Variants in ANKRD30A observed in about 807,000 individuals in gnomAD.
ANKRD30A encodes ankyrin repeat domain 30A.
A neutral mutation model predicts 166.3 loss-of-function variants in ANKRD30A; 170 were observed. The observed-to-expected ratio is 1.02, with a 90% CI of 0.90 to 1.16. The LOEUF is 1.16. Ranked by LOEUF, ANKRD30A falls within the 50% of genes most tolerant of loss-of-function variation. ANKRD30A has a pLI of 0.00. For missense variants in ANKRD30A, 1,630 were observed against 1,518.0 expected (o/e 1.07, Z -1.23); for synonymous variants, 564 against 508.9 (o/e 1.11, Z -1.46).
intron 27 of ANKRD30A, among the ~76,000 whole-genome samples, chr10:37,193,510 A>G (rs1840777860): frequency 6.6e-6 from 1 of 151,966 alleles, no homozygotes; most frequent in Admixed American, 6.6e-5. Context: ...TAAAGTTTCC[A>G]ATTTGCAATT....
chr10:37,250,776 C>A, the ANKRD30A span, among the ~76,000 whole-genome samples: 1 of 152,308 alleles, frequency 6.6e-6, no homozygotes, highest in African/African-American at 2.4e-5. Flanking sequence ...CTGCCAGTTC[C>A]TTCATCTTGG....
chr10:37,252,811 T>G, the ANKRD30A span, among the ~76,000 whole-genome samples: 1 of 152,204 alleles, frequency 6.6e-6, no homozygotes, highest in Non-Finnish European at 1.5e-5. Flanking sequence ...CTAATATATG[T>G]AAGGTGCTTA....
At chr10:37,143,854 T>C (rs577366014) in intron 7 of ANKRD30A, among the ~76,000 whole-genome samples, 120 of 152,094 alleles carry the variant, frequency 7.9e-4, no homozygotes, top group Non-Finnish European at 1.4e-3. Flanking sequence ...AGAAGAAAGA[T>C]GGAGGGTAAT....
chr10:37,192,734 C>A (rs924574330), intron 25 of ANKRD30A, among the ~76,000 whole-genome samples: 17 of 152,012 alleles, frequency 1.1e-4, no homozygotes, highest in Non-Finnish European at 2.2e-4. Context: ...ACTTGGTCAT[C>A]TTATTAAATA....
chr10:37,265,300 G>A, the ANKRD30A span, among the ~76,000 whole-genome samples: 43 of 152,234 alleles, frequency 2.8e-4, no homozygotes, highest in African/African-American at 9.9e-4. Context: ...TGTGGTCCAT[G>A]CCTCCTCAAT....
intron 19 of ANKRD30A, among the ~76,000 whole-genome samples, chr10:37,167,608 T>A (rs1839462359): frequency 6.6e-6 from 1 of 151,862 alleles, no homozygotes; most frequent in South Asian, 2.1e-4. Flanking sequence ...ACATCAATAT[T>A]GAAAGCTTAT....
chr10:37,214,735 A>G (rs1192907384), intron 31 of ANKRD30A, among the ~76,000 whole-genome samples: 1 of 151,146 alleles, frequency 6.6e-6, no homozygotes, highest in Non-Finnish European at 1.5e-5. Context: ...TCTTCAAGTA[A>G]TATTATATCA....
intron 11 of ANKRD30A, 80 bp from the exon 12 acceptor site, chr10:37,151,980 G>C: frequency 7.8e-7 from 1 of 1,284,390 alleles, no homozygotes; most frequent in East Asian, 2.4e-5. Flanking sequence ...ATTCGTGAAT[G>C]AAAGTAGATT....
intron 34 of ANKRD30A, among the ~76,000 whole-genome samples, chr10:37,223,966 T>A (rs1410325477): frequency 1.3e-5 from 2 of 151,318 alleles, no homozygotes; most frequent in Non-Finnish European, 3.0e-5. Flanking sequence ...TTTAAAAATA[T>A]TAACTATAAT....
Position 37,142,265 on chromosome 10 carries a change from A to G in ANKRD30A, c.1368A>G (p.Glu456=). Residue 456 remains glutamate, a synonymous_variant, in exon 7 of 36, where the codon GAA becomes GAG. Coordinates refer to ENST00000361713, the MANE Select transcript of ANKRD30A (RefSeq NM_052997.3). ...RSKMIACPTK[E]SSTKASANDQ... Reference sequence around the variant, plus strand: ...AGATGATTGCATGTCCTACAAAAGAATCATCTACAAAAGCAAGTGCCAATG... The same window carrying G: ...AGATGATTGCATGTCCTACAAAAGAGTCATCTACAAAAGCAAGTGCCAATG... 3.1e-6 allele frequency: 5 copies of G among 1,596,316 alleles called. No homozygotes were observed. Among genetic ancestry groups the G allele is most frequent in the Non-Finnish European group, 4.3e-6 (5 of 1,175,294 alleles).
At chr10:37,204,144 G>A (rs1220062044) in intron 31 of ANKRD30A, among the ~76,000 whole-genome samples, 1 of 152,028 alleles carries the variant, frequency 6.6e-6, no homozygotes. Context: ...CTACTTTAAA[G>A]TTCATATGGA....
chr10:37,132,529 A>T (rs1283529506), intron 4 of ANKRD30A, among the ~76,000 whole-genome samples, 183 bp downstream of exon 4: 3 of 152,132 alleles, frequency 2.0e-5, no homozygotes, highest in Non-Finnish European at 4.4e-5. Flanking sequence ...ATATAGTAGG[A>T]CTTCTCTTAT....
At chr10:37,211,447 T>C (rs1383486630) in intron 31 of ANKRD30A, among the ~76,000 whole-genome samples, 1 of 152,108 alleles carries the variant, frequency 6.6e-6, no homozygotes, top group Non-Finnish European at 1.5e-5. Context: ...TCCATGTCCC[T>C]ACAAAGGACA....
rs1189116504 is a variant in ANKRD30A at position 37,141,942 on chromosome 10, A to G, written c.1045A>G (p.Lys349Glu). ...ATGTTTGGAGAAAGCGACATCTGGA[A>G]AGTTCGAACAGTCAGCAGAAGAAAC... is the stretch of plus-strand genomic sequence containing the variant. ...IQCLEKATSG[K>E]FEQSAEETPR... The change falls in exon 7 of 36, where the codon AAG (lysine) becomes GAG (glutamate). Residue 349 changes from lysine to glutamate, a missense_variant. By Grantham distance (56) the Lys-to-Glu change is moderately conservative. Around this residue, in one of 4 missense-constraint regions of ANKRD30A, gnomAD observed 904 missense variants for 818.5 expected, o/e 1.10. Transcript: ENST00000361713. The G allele has an allele frequency of 1.2e-6, 2 of 1,614,202 alleles. No homozygotes were observed. The highest frequency in any genetic ancestry group is 1.7e-6 in the Non-Finnish European group (2 of 1,180,034).
rs927373568 is a variant in ANKRD30A at position 37,192,038 on chromosome 10, A to G, written c.2513-1026A>G. ...CTAGTTTTTGATACTTTCACATTAC[A>G]TGTTTTTTCTTTTTTAGAGACAGAG... is the stretch of plus-strand genomic sequence containing the variant. On this transcript the variant is annotated intron_variant, in intron 25 of 35. Transcript: ENST00000361713. Among the ~76,000 whole-genome samples, 80 of 149,616 alleles carry G rather than the reference A, an allele frequency of 5.3e-4. 1 individual carries two copies. The highest frequency in any genetic ancestry group is 3.1e-3 in the South Asian group (15 of 4,806).
intron 30 of ANKRD30A, among the ~76,000 whole-genome samples, chr10:37,200,965 T>C (rs1001232886): frequency 6.6e-6 from 1 of 152,094 alleles, no homozygotes; most frequent in Non-Finnish European, 1.5e-5. Flanking sequence ...TTTTGAAATA[T>C]GCACGATTGA....
chr10:37,225,521 A>C (rs946250040), intron 34 of ANKRD30A, among the ~76,000 whole-genome samples: 3 of 151,872 alleles, frequency 2.0e-5, no homozygotes, highest in Non-Finnish European at 4.4e-5. Flanking sequence ...ATAAGCTAAC[A>C]CATGAAGTAC....
At position 37,130,265 on chromosome 10, in the gene ANKRD30A, A is replaced by G; in HGVS notation, c.397A>G (p.Asn133Asp). 6.2e-7 allele frequency: 1 copy of G among 1,604,210 alleles called. No homozygotes were observed. The highest frequency in any genetic ancestry group is 8.5e-7 in the Non-Finnish European group (1 of 1,175,630). The change falls in exon 3 of 36, where the codon AAT (asparagine) becomes GAT (aspartate). Residue 133 changes from asparagine (N) to aspartate (D), a missense_variant. Physicochemically the swap from Asn to Asp is conservative, Grantham distance 23. Coordinates refer to ENST00000361713, the MANE Select transcript of ANKRD30A (RefSeq NM_052997.3). ...TCTGATAGATTCTGGTGCCGATATA[A>G]ATCTCGTAGATGTGTATGGCAACAC... ...NILIDSGADI[N>D]LVDVYGNTAL...
At chr10:37,216,505 G>T in intron 32 of ANKRD30A, 111 bp downstream of exon 32, 1 of 1,059,352 alleles carries the variant, frequency 9.4e-7, no homozygotes, top group South Asian at 1.7e-5. Context: ...AGAAAAAAAT[G>T]TCTGTCTTGT....
Sources: allele counts gnomAD v4.1 joint callset (sites outside exome capture counted in the v4.1 genomes callset), GRCh38; gene constraint gnomAD v4.1.1; regional missense constraint gnomAD v4.1.1; transcripts MANE v1.5; gene names NCBI Gene and HGNC (gene_info 2026-07-23, HGNC 2026-07-21).